CDYL2: variants seen among roughly 807,000 people sequenced by gnomAD.
CDYL2 encodes the protein chromodomain Y-like protein 2.
In CDYL2, 23 loss-of-function variants were observed where a neutral mutation model predicts 49.4. The ratio of observed to expected loss-of-function variants is 0.47; its 90% CI spans 0.34 to 0.66. The LOEUF (loss-of-function observed/expected upper bound fraction) is 0.66. CDYL2 is among the 30% of genes least tolerant of loss of function. The pLI is 0.01. For missense variants in CDYL2, 678 were observed against 656.4 expected, an observed-to-expected ratio of 1.03 and a Z score of -0.36; for synonymous variants, 360 against 268.8, an observed-to-expected ratio of 1.34 and a Z score of -3.32.
chr16:80,691,428 T>C (rs565548013), intron 1 of CDYL2, among the ~76,000 whole-genome samples: 138 of 152,244 alleles, frequency 9.1e-4, no homozygotes, highest in African/African-American at 3.2e-3. Flanking sequence ...ACAAGGGAAA[T>C]GGCTGTCAGA....
At chr16:80,642,665 G>A (rs959560566) in intron 2 of CDYL2, among the ~76,000 whole-genome samples, 8 of 152,068 alleles carry the variant, frequency 5.3e-5, no homozygotes, top group African/African-American at 2.4e-5. Context: ...CATGGAGGGA[G>A]GTGAAAGGCA....
At chr16:80,774,348 T>A (rs1907008950) in intron 1 of CDYL2, among the ~76,000 whole-genome samples, 1 of 145,298 alleles carries the variant, frequency 6.9e-6, no homozygotes, top group South Asian at 2.1e-4. Context: ...CTAAAAAAGT[T>A]GATCCCACGG....
intron 3 of CDYL2, among the ~76,000 whole-genome samples, chr16:80,629,782 T>C (rs992681729): frequency 1.3e-5 from 2 of 152,322 alleles, no homozygotes; most frequent in South Asian, 4.1e-4. Context: ...ATTATAACCA[T>C]GAAAGTGGTC....
chr16:80,623,112 C>T (rs1035587619), intron 3 of CDYL2, among the ~76,000 whole-genome samples: 5 of 152,134 alleles, frequency 3.3e-5, no homozygotes, highest in African/African-American at 1.2e-4. Flanking sequence ...TTTCAAACTT[C>T]GCTGCTCAAA....
chr16:80,626,319 G>A (rs1907299983), intron 3 of CDYL2, among the ~76,000 whole-genome samples: 1 of 144,006 alleles, frequency 6.9e-6, no homozygotes, highest in South Asian at 2.2e-4. Context: ...TGAATGTGTT[G>A]TTAATAAAAA....
intron 1 of CDYL2, among the ~76,000 whole-genome samples, chr16:80,745,741 T>C (rs551367861): frequency 1.7e-4 from 26 of 152,348 alleles, no homozygotes; most frequent in African/African-American, 6.3e-4. Flanking sequence ...ACCACAATGA[T>C]AGCATTGCTC....
At chr16:80,628,985 G>A (rs913613780) in intron 3 of CDYL2, among the ~76,000 whole-genome samples, 16 of 152,118 alleles carry the variant, frequency 1.1e-4, no homozygotes, top group Non-Finnish European at 1.2e-4. Context: ...AGAAAGGCCC[G>A]TTCCAGTCAG....
At chr16:80,787,853 T>C (rs888832154) in intron 1 of CDYL2, among the ~76,000 whole-genome samples, 3 of 152,196 alleles carry the variant, frequency 2.0e-5, no homozygotes, top group Admixed American at 6.5e-5. Flanking sequence ...GTAATGTGCA[T>C]GCTCTGGTAA....
intron 2 of CDYL2, among the ~76,000 whole-genome samples, chr16:80,659,191 C>G (rs533571194): frequency 6.6e-6 from 1 of 152,154 alleles, no homozygotes; most frequent in East Asian, 1.9e-4. Flanking sequence ...TAAATCTAAC[C>G]TTGAAGAAAC....
chr16:80,669,680 C>T (rs991111945), intron 2 of CDYL2, among the ~76,000 whole-genome samples: 1 of 152,200 alleles, frequency 6.6e-6, no homozygotes, highest in Non-Finnish European at 1.5e-5. Flanking sequence ...CTCTGGCTGG[C>T]TTTGTGGCCT....
At chr16:80,631,679 T>A (rs1485855184) in intron 3 of CDYL2, among the ~76,000 whole-genome samples, 1 of 152,058 alleles carries the variant, frequency 6.6e-6, no homozygotes, top group African/African-American at 2.4e-5. Flanking sequence ...CTAGAGTAAA[T>A]AAAGAATGCC....
At chr16:80,646,796 CAAACA>C (rs922579126) in intron 2 of CDYL2, among the ~76,000 whole-genome samples, 36 of 150,744 alleles carry the variant, frequency 2.4e-4, no homozygotes, top group African/African-American at 5.4e-4. Context: ...TCAAAACAAA[CAAACA>C]AAACAAAACA....
chr16:80,804,092 G>GC (rs1908020599), intron 1 of CDYL2, 58 bp downstream of exon 1: 1 of 973,550 alleles, frequency 1.0e-6, no homozygotes, highest in Non-Finnish European at 1.2e-6. Context: ...GCCGCCCGCC[G>GC]CCGCCGCCCG....
chr16:80,714,939 G>C (rs1904745853), intron 1 of CDYL2, among the ~76,000 whole-genome samples: 1 of 152,072 alleles, frequency 6.6e-6, no homozygotes, highest in African/African-American at 2.4e-5. Context: ...CCCCCAAGTA[G>C]GATGTAGTCA....
Position 80,612,632 on chromosome 16 carries a change from G to A in CDYL2, c.1212C>T (p.Val404=), listed in dbSNP as rs148183173. 110 of 1,606,328 alleles carry A rather than the reference G, an allele frequency of 6.8e-5. No individual in the cohort carries two copies. Among genetic ancestry groups the A allele is most frequent in the East Asian group, 4.3e-4 (19 of 44,664 alleles). ...GGTATCACAGGAGGCTTACCAGCGCGACGCCCAGGATCTGGGGGAAGGTGT... is the reference window on the plus strand; with the variant it reads ...GGTATCACAGGAGGCTTACCAGCGCAACGCCCAGGATCTGGGGGAAGGTGT... ...SSYTFPQILG[V]ALANEMLFCG... Residue 404 remains valine, a synonymous_variant, in exon 5 of 7, where the codon GTC becomes GTT. Coordinates refer to ENST00000570137, the MANE Select transcript of CDYL2 (RefSeq NM_152342.4). The surrounding 1 kb of genome is among the most constrained non-coding windows in gnomAD (Gnocchi z 5.0).
At chr16:80,777,435 T>C (rs1907124309) in intron 1 of CDYL2, among the ~76,000 whole-genome samples, 2 of 150,436 alleles carry the variant, frequency 1.3e-5, no homozygotes, top group African/African-American at 2.5e-5. Context: ...AAAAATTGAT[T>C]TTACAGAAAA....
intron 1 of CDYL2, among the ~76,000 whole-genome samples, chr16:80,784,741 G>C (rs1907378805): frequency 6.6e-6 from 1 of 152,176 alleles, no homozygotes; most frequent in African/African-American, 2.4e-5. Context: ...CTGTCTTCAA[G>C]TACATAGTCC....
intron 1 of CDYL2, among the ~76,000 whole-genome samples, chr16:80,797,938 C>T (rs1363940053): frequency 1.3e-5 from 2 of 152,314 alleles, no homozygotes; most frequent in South Asian, 2.1e-4. Flanking sequence ...GCATTAAAAA[C>T]GTTACCATTC....
chr16:80,698,912 G>A (rs970232898), intron 1 of CDYL2, among the ~76,000 whole-genome samples: 3 of 152,064 alleles, frequency 2.0e-5, no homozygotes, highest in African/African-American at 7.2e-5. Context: ...ATGAAAAAAT[G>A]CTCACCATCA....
Sources: allele counts gnomAD v4.1 joint callset (sites outside exome capture counted in the v4.1 genomes callset), GRCh38; gene constraint gnomAD v4.1.1; non-coding constraint Gnocchi (gnomAD v3.1); transcripts MANE v1.5; gene names NCBI Gene and HGNC (gene_info 2026-07-23, HGNC 2026-07-21).